Variants in PLEKHB2 observed in about 807,000 individuals in gnomAD.
The protein encoded by PLEKHB2 is pleckstrin homology domain-containing family B member 2.
A neutral mutation model predicts 36.5 loss-of-function variants in PLEKHB2; 31 were observed. The ratio of observed to expected loss-of-function variants is 0.85; its 90% CI spans 0.64 to 1.15. The LOEUF is 1.15. PLEKHB2 is among the 50% of genes most tolerant of loss of function. The pLI is 0.00. For missense variants in PLEKHB2, 262 were observed against 295.3 expected (o/e 0.89, Z 0.83); for synonymous variants, 119 against 112.0 (o/e 1.06, Z -0.39).
At chr2:131,117,939 C>T (rs1696056215) in intron 1 of PLEKHB2, among the ~76,000 whole-genome samples, 1 of 152,190 alleles carries the variant, frequency 6.6e-6, no homozygotes, top group Admixed American at 6.5e-5. Context: ...TGGTAGTTCT[C>T]TGCTTCAAAT....
At chr2:131,113,201 GC>G (rs1695504339) in intron 1 of PLEKHB2, among the ~76,000 whole-genome samples, 1 of 151,752 alleles carries the variant, frequency 6.6e-6, no homozygotes, top group Admixed American at 6.6e-5. Context: ...TCTTACCTCA[GC>G]CCCCCAGTAG....
rs747094403 is a variant in PLEKHB2, at chr2:131,140,195, G to A, written c.452G>A (p.Gly151Asp). 1.9e-6 allele frequency: 3 copies of A among 1,613,284 alleles called. No homozygotes were observed. The highest frequency in any genetic ancestry group is 1.7e-5 in the Admixed American group (1 of 60,008). The change falls in exon 7 of 8, where the codon GGT (glycine) becomes GAT (aspartate). Residue 151 changes from glycine (G) to aspartate (D), a missense_variant. Physicochemically the swap from Gly to Asp is moderately conservative, Grantham distance 94. Transcript: ENST00000693505. ...EQAYGYGPYG[G>D]AYPPGTQVVY... is the part of the protein sequence containing the mutation. ...GCTTATGGCTATGGGCCATACGGTG[G>A]TGCGTACCCGCCAGGAACTCAAGTT...
chr2:131,144,913 A>C (rs1699131570), intron 7 of PLEKHB2, among the ~76,000 whole-genome samples: 1 of 152,256 alleles, frequency 6.6e-6, no homozygotes, highest in Non-Finnish European at 1.5e-5. Flanking sequence ...TTAAAATGTC[A>C]GGGCTGTGAA....
chr2:131,126,646 C>A (rs942192133), intron 3 of PLEKHB2, 38 bp from the exon 4 acceptor site: 3 of 1,179,132 alleles, frequency 2.5e-6, no homozygotes, highest in Non-Finnish European at 3.8e-6. Flanking sequence ...AAGAAGAAAT[C>A]CTGAAAAAAG....
chr2:131,108,653 C>G (rs909662521), intron 1 of PLEKHB2, among the ~76,000 whole-genome samples: 1 of 152,124 alleles, frequency 6.6e-6, no homozygotes, highest in Non-Finnish European at 1.5e-5. Flanking sequence ...AATCTCATAA[C>G]GTTTTAAGAA....
At chr2:131,113,664 C>A (rs1695559193) in intron 1 of PLEKHB2, among the ~76,000 whole-genome samples, 1 of 152,150 alleles carries the variant, frequency 6.6e-6, no homozygotes, top group Non-Finnish European at 1.5e-5. Flanking sequence ...ATCAGTGAGC[C>A]TTTCCTCTTG....
At chr2:131,112,902 A>G (rs1461351372) in intron 1 of PLEKHB2, among the ~76,000 whole-genome samples, 2 of 152,092 alleles carry the variant, frequency 1.3e-5, no homozygotes, top group Non-Finnish European at 2.9e-5. Flanking sequence ...GCTCTGAGCT[A>G]CTTTTCTTTC....
chr2:131,140,213 C>T lies in PLEKHB2; in HGVS notation c.470C>T (p.Thr157Ile). Residue 157 changes from threonine (T) to isoleucine (I), a missense_variant, in exon 7 of 8, where the codon ACT becomes ATT. By Grantham distance (89) the Thr-to-Ile change is moderately conservative. Transcript: ENST00000693505. Reference sequence around the variant, plus strand: ...TACGGTGGTGCGTACCCGCCAGGAACTCAAGTTGTCTACGCTGCGAATGGG... The same window carrying T: ...TACGGTGGTGCGTACCCGCCAGGAATTCAAGTTGTCTACGCTGCGAATGGG... ...GPYGGAYPPGTQVVYAANGQA... is the reference protein window; with the variant it reads ...GPYGGAYPPGIQVVYAANGQA... 1 of 1,613,890 alleles carries T rather than the reference C, an allele frequency of 6.2e-7. No individual in the cohort carries two copies. Among genetic ancestry groups the T allele is most frequent in the Non-Finnish European group, 8.5e-7 (1 of 1,179,748 alleles).
intron 7 of PLEKHB2, among the ~76,000 whole-genome samples, chr2:131,143,545 C>T (rs889678152): frequency 2.0e-5 from 3 of 152,144 alleles, no homozygotes; most frequent in African/African-American, 7.2e-5. Context: ...CCAAGTTGAT[C>T]CCAGAATGGT....
At chr2:131,117,776 A>G (rs755914495) in intron 1 of PLEKHB2, among the ~76,000 whole-genome samples, 1 of 152,174 alleles carries the variant, frequency 6.6e-6, no homozygotes, top group Admixed American at 6.5e-5. Context: ...TACTGTCTAC[A>G]ACATTCCTTC....
intron 1 of PLEKHB2, among the ~76,000 whole-genome samples, chr2:131,110,472 C>T (rs1273333854): frequency 1.3e-5 from 2 of 152,084 alleles, no homozygotes; most frequent in African/African-American, 2.4e-5. Flanking sequence ...ACCTTCTGGG[C>T]TCAAGCGATC....
chr2:131,133,848 C>T (rs1697962707), intron 6 of PLEKHB2, among the ~76,000 whole-genome samples: 1 of 151,084 alleles, frequency 6.6e-6, no homozygotes, highest in Admixed American at 6.6e-5. Context: ...AGTATTTGCC[C>T]TTGAGATCTG....
chr2:131,115,634 T>G (rs1559053801), intron 1 of PLEKHB2, among the ~76,000 whole-genome samples: 1 of 152,154 alleles, frequency 6.6e-6, no homozygotes, highest in Non-Finnish European at 1.5e-5. Flanking sequence ...ATTACAGGCG[T>G]GAGCTACTGC....
In PLEKHB2 at chr2:131,146,854, C is replaced by A; in HGVS notation, c.*81C>A. On this transcript the variant is annotated 3_prime_UTR_variant, in exon 8 of 8. Transcript: ENST00000693505. ...ATTTGCAGGGCATTTCTGTTTGTGA[C>A]AAAAGTTTTTAATAATAGTTTTAAT... 7.9e-7 allele frequency: 1 copy of A among 1,260,594 alleles called. No homozygotes were observed. The highest frequency in any genetic ancestry group is 1.1e-6 in the Non-Finnish European group (1 of 913,556). The allele number at this position is 1,260,594 out of a possible 1,614,324, so 78.1% of individuals were successfully genotyped here.
chr2:131,127,714 T>C (rs1181943398), intron 4 of PLEKHB2, among the ~76,000 whole-genome samples: 1 of 152,246 alleles, frequency 6.6e-6, no homozygotes, highest in Admixed American at 6.5e-5. Context: ...ATGATTCTAC[T>C]GAGATGTTCT....
chr2:131,130,744 A>G lies in PLEKHB2; in HGVS notation c.317A>G (p.Asp106Gly). 6.2e-7 allele frequency: 1 copy of G among 1,610,868 alleles called. No homozygotes were observed. Among genetic ancestry groups the G allele is most frequent in the South Asian group, 1.1e-5 (1 of 90,876 alleles). The change falls in exon 5 of 8, where the codon GAT becomes GGT. Residue 106 changes from aspartate (D) to glycine (G), a missense_variant. Asp to Gly is a moderately conservative substitution (Grantham distance 94, BLOSUM62 -1). Coordinates refer to ENST00000693505, the MANE Select transcript of PLEKHB2 (RefSeq NM_001100623.2). ...AGGGCCTGGAAATTTACACTCCAAG[A>G]TTCTAGGACAAACACAGTAAGTTGC... is the stretch of plus-strand genomic sequence containing the variant. ...DCLAWKFTLQ[D>G]SRTNTAYVGS...
intron 4 of PLEKHB2, among the ~76,000 whole-genome samples, chr2:131,129,763 G>C (rs113008437): frequency 4.3e-5 from 3 of 69,994 alleles, no homozygotes; most frequent in Non-Finnish European, 1.3e-4. Context: ...TTGACCTCCC[G>C]AAGTGCTGGG....
intron 4 of PLEKHB2, 22 bp from the exon 5 acceptor site, chr2:131,130,699 G>T (rs776378763): frequency 1.3e-6 from 2 of 1,578,328 alleles, no homozygotes; most frequent in Non-Finnish European, 1.7e-6. Flanking sequence ...CTTAAATAAA[G>T]TACCCTTTTT....
intron 6 of PLEKHB2, among the ~76,000 whole-genome samples, chr2:131,139,858 G>A (rs1362006870): frequency 6.6e-6 from 1 of 152,174 alleles, no homozygotes; most frequent in African/African-American, 2.4e-5. Context: ...GGAAGGCCCA[G>A]GTGACTTACT....
Sources: allele counts gnomAD v4.1 joint callset (sites outside exome capture counted in the v4.1 genomes callset), GRCh38; gene constraint gnomAD v4.1.1; transcripts MANE v1.5; gene names NCBI Gene and HGNC (gene_info 2026-07-23, HGNC 2026-07-21).